Variants in CFAP58 observed in about 807,000 individuals in gnomAD.
CFAP58 encodes the protein cilia and flagella associated protein 58.
A neutral mutation model predicts 119.5 loss-of-function variants in CFAP58; 88 were observed. The observed-to-expected ratio is 0.74, with a 90% CI of 0.62 to 0.88. CFAP58 has a LOEUF of 0.88. Among genes scored for constraint, CFAP58 ranks in the 40% least tolerant of loss-of-function variants. The pLI, the probability that CFAP58 is intolerant of heterozygous loss-of-function variation, is 0.00. For synonymous variants in CFAP58, 365 were observed against 366.3 expected (o/e 1.00, Z 0.04); for missense variants, 990 against 1,021.2 (o/e 0.97, Z 0.42).
intron 15 of CFAP58, among the ~76,000 whole-genome samples, chr10:104,425,998 C>T (rs990023856): frequency 5.3e-5 from 8 of 151,978 alleles, no homozygotes; most frequent in African/African-American, 1.5e-4. Context: ...TTTGGGAGGC[C>T]GAGGTGGTGG....
At chr10:104,384,830 A>G (rs765888618) in intron 9 of CFAP58, among the ~76,000 whole-genome samples, 6 of 152,190 alleles carry the variant, frequency 3.9e-5, no homozygotes, top group Non-Finnish European at 8.8e-5. Context: ...CATGTGAGAA[A>G]AGTAACAGGA....
At position 104,370,978 on chromosome 10, in the gene CFAP58, C is replaced by G. The variant is rs373251407; in HGVS notation, c.1014C>G (p.His338Gln). Reference protein sequence around the residue: ...KIREQIHKKLHHTEDQKAEVE... With the variant: ...KIREQIHKKLQHTEDQKAEVE... Reference sequence around the variant, plus strand: ...GAGAACAAATTCATAAGAAATTGCACCACACCGAAGATCAAAAGGCAGAAG... The same window carrying G: ...GAGAACAAATTCATAAGAAATTGCAGCACACCGAAGATCAAAAGGCAGAAG... The change falls in exon 7 of 18, where the codon CAC (histidine) becomes CAG (glutamine). Residue 338 changes from histidine to glutamine, a missense_variant. Transcript: ENST00000369704. 2 of 1,613,436 alleles carry G rather than the reference C, an allele frequency of 1.2e-6. No individual in the cohort carries two copies. Among genetic ancestry groups the G allele is most frequent in the African/African-American group, 2.7e-5 (2 of 74,866 alleles).
chr10:104,440,247 C>T lies in CFAP58; in HGVS notation c.2257-7451C>T. Among the ~76,000 whole-genome samples the T allele has an allele frequency of 1.3e-5, 2 of 152,102 alleles. 1 individual carries two copies. Among genetic ancestry groups the T allele is most frequent in the Admixed American group, 1.3e-4 (2 of 15,280 alleles). ...TAGGTCCTTGTTTAGCTCCTTTTAT[C>T]AAAAAATACCAAACACAATTCTATT... On this transcript the variant is annotated intron_variant, in intron 15 of 17. Coordinates refer to ENST00000369704, the MANE Select transcript of CFAP58 (RefSeq NM_001008723.2).
chr10:104,426,373 A>T (rs1361603867), intron 15 of CFAP58, among the ~76,000 whole-genome samples: 1 of 151,968 alleles, frequency 6.6e-6, no homozygotes, highest in African/African-American at 2.4e-5. Context: ...TGACAAAACC[A>T]ATTCGCTGCC....
the CFAP58 span, among the ~76,000 whole-genome samples, chr10:104,343,188 G>A: frequency 1.3e-5 from 2 of 152,220 alleles, no homozygotes; most frequent in South Asian, 4.1e-4. Context: ...TCACAGAACA[G>A]GCTGCTTTGC....
chr10:104,433,615 G>A (rs2012884997), intron 15 of CFAP58, among the ~76,000 whole-genome samples: 2 of 152,190 alleles, frequency 1.3e-5, no homozygotes, highest in South Asian at 4.1e-4. Flanking sequence ...CCAGGATGGA[G>A]CCCTCTCTGC....
chr10:104,368,013 A>T (rs1232700856), intron 5 of CFAP58, among the ~76,000 whole-genome samples: 1 of 152,248 alleles, frequency 6.6e-6, no homozygotes, highest in African/African-American at 2.4e-5. Flanking sequence ...TTAATGCAGG[A>T]TTTGCTTCTG....
intron 11 of CFAP58, among the ~76,000 whole-genome samples, chr10:104,395,338 T>TTC (rs2012128810): frequency 6.6e-6 from 1 of 152,232 alleles, no homozygotes; most frequent in African/African-American, 2.4e-5. Context: ...ATTAAAAGGC[T>TTC]TCTGCTCCAG....
the CFAP58 span, among the ~76,000 whole-genome samples, chr10:104,340,784 T>C: frequency 6.6e-6 from 1 of 152,134 alleles, no homozygotes; most frequent in South Asian, 2.1e-4. Flanking sequence ...CACTCAGGGA[T>C]TGGGGTTAGT....
At chr10:104,382,080 C>T (rs1250270775) in intron 9 of CFAP58, 1 of 717,334 alleles carries the variant, frequency 1.4e-6, no homozygotes, top group South Asian at 1.5e-5. Context: ...TATAACTGGC[C>T]TTTGCAGGTC....
At chr10:104,426,345 C>G (rs1589931979) in intron 15 of CFAP58, among the ~76,000 whole-genome samples, 1 of 152,246 alleles carries the variant, frequency 6.6e-6, no homozygotes, top group East Asian at 1.9e-4. Flanking sequence ...TCCTCCTGGT[C>G]AGTGATAACT....
chr10:104,378,062 T>G (rs1460673607), intron 8 of CFAP58, among the ~76,000 whole-genome samples: 1 of 152,260 alleles, frequency 6.6e-6, no homozygotes, highest in East Asian at 1.9e-4. Flanking sequence ...TTACATTTAT[T>G]TGTTGATTTG....
chr10:104,344,143 C>T, the CFAP58 span, among the ~76,000 whole-genome samples: 3 of 152,230 alleles, frequency 2.0e-5, no homozygotes, highest in Non-Finnish European at 4.4e-5. Flanking sequence ...TGCCACTTGG[C>T]TTGGGAAAGA....
At chr10:104,445,751 C>T (rs1235393851) in intron 15 of CFAP58, among the ~76,000 whole-genome samples, 1 of 152,156 alleles carries the variant, frequency 6.6e-6, no homozygotes, top group Admixed American at 6.5e-5. Flanking sequence ...TGTGGAGGCA[C>T]CATTAATTCC....
chr10:104,358,742 T>G lies in CFAP58; in HGVS notation c.291+120T>G, dbSNP rs923198213. On this transcript the variant is annotated intron_variant, in intron 2 of 17. Coordinates refer to ENST00000369704, the MANE Select transcript of CFAP58 (RefSeq NM_001008723.2). ...GGTAAAAATTTACATGATTTTATAT[T>G]CATTAAGCCTAAGGAATAATGTTCA... 3.6e-6 allele frequency: 3 copies of G among 843,890 alleles called. No homozygotes were observed. The African/African-American group carries it at 5.1e-5, about 14-fold the overall frequency. The allele number at this position is 843,890 out of a possible 1,614,324, so 52.3% of individuals were successfully genotyped here.
intron 1 of CFAP58, among the ~76,000 whole-genome samples, chr10:104,357,918 TATGTACACATATACAC>T (rs2014590228): frequency 1.7e-5 from 2 of 118,550 alleles, no homozygotes; most frequent in African/African-American, 9.2e-5. Flanking sequence ...TACACACATA[TATGTACACATATACAC>T]ACATATATGT....
At chr10:104,364,514 AAAAT>A (rs987878337) in intron 3 of CFAP58, among the ~76,000 whole-genome samples, 55 of 152,178 alleles carry the variant, frequency 3.6e-4, no homozygotes, top group African/African-American at 1.3e-3. Flanking sequence ...TAAAAATAAA[AAAAT>A]AAATTATACT....
chr10:104,387,731 A>G (rs1458122650), intron 9 of CFAP58, among the ~76,000 whole-genome samples: 1 of 152,218 alleles, frequency 6.6e-6, no homozygotes, highest in Non-Finnish European at 1.5e-5. Context: ...CTAGTAAATT[A>G]TTAAATCTGC....
At chr10:104,411,215 ATCT>A (rs2012455305) in intron 15 of CFAP58, among the ~76,000 whole-genome samples, 1 of 152,120 alleles carries the variant, frequency 6.6e-6, no homozygotes, top group African/African-American at 2.4e-5. Flanking sequence ...GTTAATCTTA[ATCT>A]TCTTGTTCAC....
Sources: gnomAD v4.1 joint callset for allele counts (sites outside exome capture counted in the v4.1 genomes callset) on GRCh38, gnomAD v4.1.1 for gene constraint, MANE v1.5 for transcripts, NCBI Gene and HGNC (gene_info 2026-07-23, HGNC 2026-07-21) for gene names.